Variants in SLC5A4 observed in about 807,000 individuals in gnomAD.
SLC5A4 encodes probable glucose sensor protein SLC5A4.
Under a neutral mutation model 70.3 loss-of-function variants are expected in SLC5A4, and 55 were observed. The ratio of observed to expected loss-of-function variants is 0.78; its 90% confidence interval spans 0.63 to 0.98. The LOEUF (loss-of-function observed/expected upper bound fraction) is 0.98, where lower values mean the gene tolerates loss of function less well. Ranked by LOEUF, SLC5A4 falls within the 50% of genes least tolerant of loss-of-function variation. The probability of loss-of-function intolerance (pLI) is 0.00; values close to 1 mark genes in which losing one functional copy is unlikely to be tolerated. For missense variants in SLC5A4, 735 were observed against 839.2 expected (o/e 0.88, Z 1.53); for synonymous variants, 268 against 305.7 (o/e 0.88, Z 1.29).
chr22:32,238,461 G>A (rs1462486665), intron 6 of SLC5A4, among the ~76,000 whole-genome samples: 7 of 151,986 alleles, frequency 4.6e-5, no homozygotes, highest in African/African-American at 1.7e-4. Flanking sequence ...TAATTTTTAT[G>A]TTAGTATGCA....
intron 3 of SLC5A4, 76 bp downstream of exon 3, chr22:32,251,694 G>T: frequency 1.1e-6 from 1 of 896,730 alleles, no homozygotes; most frequent in Non-Finnish European, 1.9e-6. Context: ...GTGATATTCT[G>T]TCATAGCAGC....
At chr22:32,290,491 T>C in the SLC5A4 span, among the ~76,000 whole-genome samples, 2 of 152,244 alleles carry the variant, frequency 1.3e-5, no homozygotes, top group East Asian at 1.9e-4. Context: ...ATTTTTCTAA[T>C]ATCAGCTTTG....
the SLC5A4 span, among the ~76,000 whole-genome samples, chr22:32,319,878 C>T: frequency 6.6e-6 from 1 of 152,092 alleles, no homozygotes; most frequent in Non-Finnish European, 1.5e-5. Flanking sequence ...TGACTATATC[C>T]CCAGGGCCAA....
chr22:32,276,725 C>T, the SLC5A4 span: 2 of 152,266 alleles, frequency 1.3e-5, no homozygotes, highest in African/African-American at 4.8e-5. Context: ...TGAATCATAA[C>T]AGGTGGACTA....
At chr22:32,224,602 G>A in intron 12 of SLC5A4, 120 bp from the exon 13 acceptor site, 2 of 750,906 alleles carry the variant, frequency 2.7e-6, no homozygotes, top group South Asian at 1.8e-5. Flanking sequence ...GGCTAACCTT[G>A]GGCACAAGGT....
the SLC5A4 span, among the ~76,000 whole-genome samples, chr22:32,263,845 C>G: frequency 6.6e-6 from 1 of 152,094 alleles, no homozygotes; most frequent in Non-Finnish European, 1.5e-5. Context: ...GTGGCACATA[C>G]ACACCATGGA....
chr22:32,306,900 C>T, the SLC5A4 span, among the ~76,000 whole-genome samples: 1 of 135,780 alleles, frequency 7.4e-6, no homozygotes, highest in Non-Finnish European at 1.6e-5. Flanking sequence ...CATGCAATTC[C>T]AAGAAGAGGC....
At chr22:32,228,726 G>T (rs1408049289) in intron 11 of SLC5A4, among the ~76,000 whole-genome samples, 1 of 152,056 alleles carries the variant, frequency 6.6e-6, no homozygotes, top group Non-Finnish European at 1.5e-5. Context: ...CTTGGAATTA[G>T]TCCCTTCCCT....
chr22:32,303,737 G>C, the SLC5A4 span, among the ~76,000 whole-genome samples: 4 of 152,094 alleles, frequency 2.6e-5, no homozygotes, highest in African/African-American at 9.7e-5. Flanking sequence ...TCCAAGTTTC[G>C]GCAATTATGA....
chr22:32,273,702 C>T, the SLC5A4 span, among the ~76,000 whole-genome samples: 1 of 152,124 alleles, frequency 6.6e-6, no homozygotes, highest in Non-Finnish European at 1.5e-5. Flanking sequence ...AAAACCAAAC[C>T]AAACCTTATT....
the SLC5A4 span, among the ~76,000 whole-genome samples, chr22:32,292,299 G>T: frequency 7.7e-6 from 1 of 130,248 alleles, no homozygotes; most frequent in African/African-American, 2.9e-5. Context: ...ATATATACTA[G>T]ATATTATATA....
intron 7 of SLC5A4, among the ~76,000 whole-genome samples, 193 bp from the exon 8 acceptor site, chr22:32,235,286 C>T (rs760215428): frequency 5.9e-5 from 9 of 152,090 alleles, no homozygotes; most frequent in South Asian, 2.1e-4. Context: ...TTTACTTTCA[C>T]GAAGTACACA....
At chr22:32,343,261 A>T in the SLC5A4 span, among the ~76,000 whole-genome samples, 1 of 152,222 alleles carries the variant, frequency 6.6e-6, no homozygotes, top group South Asian at 2.1e-4. Context: ...TGTTCTGGCC[A>T]TAGAGACATA....
chr22:32,314,157 C>T, the SLC5A4 span, among the ~76,000 whole-genome samples: 2 of 152,168 alleles, frequency 1.3e-5, no homozygotes, highest in African/African-American at 4.8e-5. Flanking sequence ...TGTACAGGGG[C>T]TAAGGGTGAG....
chr22:32,271,423 A>G, the SLC5A4 span: 1 of 773,846 alleles, frequency 1.3e-6, no homozygotes, highest in South Asian at 1.4e-5. Flanking sequence ...CTGCTTATCT[A>G]CAAGGCCTTC....
chr22:32,271,276 C>G, the SLC5A4 span: 1 of 758,848 alleles, frequency 1.3e-6, no homozygotes, highest in South Asian at 1.5e-5. Flanking sequence ...CTTTGGAGAG[C>G]CCACCACACA....
chr22:32,267,744 G>A, the SLC5A4 span, among the ~76,000 whole-genome samples: 4 of 152,186 alleles, frequency 2.6e-5, no homozygotes, highest in Non-Finnish European at 5.9e-5. Flanking sequence ...TCTCAATTCT[G>A]ATATGCCCCA....
At chr22:32,331,415 C>G in the SLC5A4 span, among the ~76,000 whole-genome samples, 2 of 152,120 alleles carry the variant, frequency 1.3e-5, no homozygotes, top group Non-Finnish European at 2.9e-5. Context: ...CCCTCGCGCC[C>G]CAGTCAGCTC....
At chr22:32,309,710 AC>A in the SLC5A4 span, among the ~76,000 whole-genome samples, 6 of 151,644 alleles carry the variant, frequency 4.0e-5, no homozygotes, top group African/African-American at 1.5e-4. Context: ...CACACTTCTC[AC>A]CCCTCGGCTC....
Sources: gnomAD v4.1 joint callset for allele counts (sites outside exome capture counted in the v4.1 genomes callset) on GRCh38, gnomAD v4.1.1 for gene constraint, MANE v1.5 for transcripts, NCBI Gene and HGNC (gene_info 2026-07-23, HGNC 2026-07-21) for gene names.